The following ARL15 variants were observed in gnomAD, a reference collection of about 807,000 sequenced individuals.
The protein encoded by ARL15 is ADP-ribosylation factor-like protein 15.
Under a neutral mutation model 25.2 loss-of-function variants are expected in ARL15, and 19 were observed. The ratio of observed to expected loss-of-function variants is 0.75; its 90% CI spans 0.53 to 1.10. The LOEUF is 1.10. Among genes scored for constraint, ARL15 ranks in the 50% least tolerant of loss-of-function variants. The pLI, the probability that ARL15 is intolerant of heterozygous loss-of-function variation, is 0.00. For missense variants in ARL15, 220 were observed against 246.0 expected, an observed-to-expected ratio of 0.89 and a Z score of 0.71; for synonymous variants, 94 against 86.8, an observed-to-expected ratio of 1.08 and a Z score of -0.46.
At chr5:54,204,768 G>C (rs1755818397) in intron 1 of ARL15, among the ~76,000 whole-genome samples, 1 of 152,146 alleles carries the variant, frequency 6.6e-6, no homozygotes, top group Admixed American at 6.6e-5. Flanking sequence ...TAAAGGATCA[G>C]TTCTGAACAT....
intron 3 of ARL15, among the ~76,000 whole-genome samples, chr5:54,122,570 A>C (rs1187205599): frequency 6.6e-6 from 1 of 152,248 alleles, no homozygotes; most frequent in African/African-American, 2.4e-5. Context: ...TAAAGCATAG[A>C]TAACCAAAAA....
intron 1 of ARL15, among the ~76,000 whole-genome samples, chr5:54,244,031 G>C (rs1263559299): frequency 1.3e-5 from 2 of 152,154 alleles, no homozygotes; most frequent in African/African-American, 4.8e-5. Context: ...TTAGATTTTA[G>C]ACAAGTCATC....
At chr5:54,089,245 AT>A (rs912580243) in intron 4 of ARL15, among the ~76,000 whole-genome samples, 1 of 152,198 alleles carries the variant, frequency 6.6e-6, no homozygotes, top group Non-Finnish European at 1.5e-5. Context: ...TGTGGCATCT[AT>A]TAACTTTTCT....
At chr5:54,197,175 A>G (rs530437306) in intron 1 of ARL15, among the ~76,000 whole-genome samples, 2 of 152,174 alleles carry the variant, frequency 1.3e-5, no homozygotes, top group South Asian at 4.1e-4. Flanking sequence ...GTAGTAGCAG[A>G]GTCCAAATTG....
At chr5:54,283,855 C>T (rs1758120812) in intron 1 of ARL15, among the ~76,000 whole-genome samples, 1 of 152,190 alleles carries the variant, frequency 6.6e-6, no homozygotes, top group South Asian at 2.1e-4. Flanking sequence ...TGAGATGTAA[C>T]TGAAAGGTGC....
At chr5:53,893,474 G>C (rs984838578) in intron 4 of ARL15, among the ~76,000 whole-genome samples, 1 of 152,144 alleles carries the variant, frequency 6.6e-6, no homozygotes, top group African/African-American at 2.4e-5. Flanking sequence ...AGGGCGTGGT[G>C]GTGGGCGCCT....
intron 3 of ARL15, among the ~76,000 whole-genome samples, chr5:54,124,023 C>A (rs1240506144): frequency 6.6e-6 from 1 of 152,084 alleles, no homozygotes; most frequent in Non-Finnish European, 1.5e-5. Flanking sequence ...GAAGAACACA[C>A]TCAGGAGAAA....
At chr5:53,937,247 A>C (rs1011419228) in intron 4 of ARL15, among the ~76,000 whole-genome samples, 11 of 152,142 alleles carry the variant, frequency 7.2e-5, no homozygotes, top group African/African-American at 2.7e-4. Context: ...GAGAGATAAA[A>C]GGTTATCAGG....
chr5:54,295,812 C>CTA (rs1023462633), intron 1 of ARL15, among the ~76,000 whole-genome samples: 1 of 152,196 alleles, frequency 6.6e-6, no homozygotes, highest in African/African-American at 2.4e-5. Flanking sequence ...CTTCCTCTAC[C>CTA]ATACCCTGCC....
chr5:53,998,712 A>T (rs1287051893), intron 4 of ARL15, among the ~76,000 whole-genome samples: 1 of 152,204 alleles, frequency 6.6e-6, no homozygotes, highest in Non-Finnish European at 1.5e-5. Flanking sequence ...CAGTGAATCA[A>T]TCAGCTTGTT....
intron 4 of ARL15, among the ~76,000 whole-genome samples, chr5:53,967,820 G>C (rs947004976): frequency 3.9e-5 from 6 of 152,156 alleles, no homozygotes; most frequent in Non-Finnish European, 8.8e-5. Context: ...TGGAGGAAGA[G>C]TGATCCACAG....
chr5:54,102,426 C>A (rs1248156792), intron 4 of ARL15, among the ~76,000 whole-genome samples: 1 of 152,022 alleles, frequency 6.6e-6, no homozygotes, highest in African/African-American at 2.4e-5. Flanking sequence ...TTTGGAAAAT[C>A]GGGACATTTA....
intron 3 of ARL15, among the ~76,000 whole-genome samples, chr5:54,128,409 G>T (rs992782590): frequency 6.6e-6 from 1 of 152,092 alleles, no homozygotes; most frequent in Non-Finnish European, 1.5e-5. Flanking sequence ...GCTAATATAG[G>T]AATCAACATA....
At chr5:53,951,336 T>C (rs764540452) in intron 4 of ARL15, among the ~76,000 whole-genome samples, 1 of 152,218 alleles carries the variant, frequency 6.6e-6, no homozygotes, top group African/African-American at 2.4e-5. Flanking sequence ...GTATTTGTTT[T>C]CTAACCCATC....
intron 4 of ARL15, among the ~76,000 whole-genome samples, chr5:53,922,188 C>G (rs1374691641): frequency 6.6e-6 from 1 of 152,116 alleles, no homozygotes; most frequent in Non-Finnish European, 1.5e-5. Flanking sequence ...TCTGGTATGG[C>G]CATCTCAGCT....
chr5:53,945,440 C>T (rs1746695099), intron 4 of ARL15, among the ~76,000 whole-genome samples: 1 of 152,118 alleles, frequency 6.6e-6, no homozygotes, highest in Non-Finnish European at 1.5e-5. Flanking sequence ...TTGTTTAGGT[C>T]AAGGGTGAAG....
At chr5:54,225,140 T>C (rs2112540588) in intron 1 of ARL15, among the ~76,000 whole-genome samples, 1 of 152,332 alleles carries the variant, frequency 6.6e-6, no homozygotes, top group South Asian at 2.1e-4. Flanking sequence ...GGGTAGCATT[T>C]GGCACACAGT....
Position 53,910,559 on chromosome 5 carries a change from C to T in ARL15, c.463-23846G>A, listed in dbSNP as rs528860472. ...TAATGGGTGCAGCACACCAAAATGG[C>T]ACATGTGTACCTATGTGACAAACCT... is the stretch of plus-strand genomic sequence containing the variant. On this transcript the variant is annotated intron_variant, in intron 4 of 4. Coordinates refer to ENST00000504924, the MANE Select transcript of ARL15 (RefSeq NM_019087.3). 8.1e-5 allele frequency among the ~76,000 whole-genome samples: 12 copies of T among 148,340 alleles called. 1 individual carries two copies. Among genetic ancestry groups the T allele is most frequent in the Admixed American group, 2.0e-4 (3 of 14,794 alleles).
chr5:54,038,586 A>T (rs1390067473), intron 4 of ARL15, among the ~76,000 whole-genome samples: 1 of 152,138 alleles, frequency 6.6e-6, no homozygotes, highest in Non-Finnish European at 1.5e-5. Context: ...AGTGAAATAA[A>T]CCAAAATTAG....
Sources: allele counts gnomAD v4.1 joint callset (sites outside exome capture counted in the v4.1 genomes callset), GRCh38; gene constraint gnomAD v4.1.1; transcripts MANE v1.5; gene names NCBI Gene and HGNC (gene_info 2026-07-23, HGNC 2026-07-21).